Variants in SLC35F1 observed in about 807,000 individuals in gnomAD.
The protein encoded by SLC35F1 is chromosome 6 open reading frame 169.
In SLC35F1, 14 loss-of-function variants were observed where a neutral mutation model predicts 48.7. That is an observed-to-expected ratio of 0.29 (90% confidence interval 0.19 to 0.45). SLC35F1 has a LOEUF of 0.45. SLC35F1 is among the 20% of genes least tolerant of loss of function. The probability of loss-of-function intolerance (pLI) is 1.00; values close to 1 mark genes in which losing one functional copy is unlikely to be tolerated. For missense variants in SLC35F1, 404 were observed against 500.0 expected, an observed-to-expected ratio of 0.81 and a Z score of 1.83; for synonymous variants, 190 against 202.2, an observed-to-expected ratio of 0.94 and a Z score of 0.51.
At chr6:118,210,004 T>C (rs1024841612) in intron 2 of SLC35F1, among the ~76,000 whole-genome samples, 5 of 152,248 alleles carry the variant, frequency 3.3e-5, no homozygotes, top group Non-Finnish European at 5.9e-5. Context: ...TGGCCTGCTA[T>C]ATAAAGTTAT....
intron 7 of SLC35F1, among the ~76,000 whole-genome samples, chr6:118,300,162 C>T (rs1776239787): frequency 1.3e-5 from 2 of 152,126 alleles, no homozygotes; most frequent in African/African-American, 4.8e-5. Flanking sequence ...GAACCTTATA[C>T]AGACCATTTT....
At position 118,205,223 on chromosome 6, in the gene SLC35F1, T is replaced by C. The variant is rs201330339; in HGVS notation, c.350-30286T>C. Among the ~76,000 whole-genome samples, 3 of 152,316 alleles carry C rather than the reference T, an allele frequency of 2.0e-5. No individual in the cohort carries two copies. The East Asian group carries it at 5.8e-4, about 29-fold the overall frequency. On this transcript the variant is annotated intron_variant, in intron 2 of 7. Transcript: ENST00000360388. Reference sequence around the variant, plus strand: ...AGAGTGTTAGCTTATGGGCAGATTCTAGTGGAGGAAGATGTCTGTGCTATT... The same window carrying C: ...AGAGTGTTAGCTTATGGGCAGATTCCAGTGGAGGAAGATGTCTGTGCTATT...
chr6:118,137,527 C>A (rs1398866536), intron 1 of SLC35F1, among the ~76,000 whole-genome samples: 1 of 152,172 alleles, frequency 6.6e-6, no homozygotes, highest in Non-Finnish European at 1.5e-5. Flanking sequence ...TCCTTCCATT[C>A]CCACCCATTA....
chr6:118,219,386 A>G (rs1446246610), intron 2 of SLC35F1, among the ~76,000 whole-genome samples: 2 of 152,230 alleles, frequency 1.3e-5, no homozygotes, highest in African/African-American at 4.8e-5. Flanking sequence ...GAAGAAATAC[A>G]CACATGAAAC....
intron 2 of SLC35F1, among the ~76,000 whole-genome samples, chr6:118,155,627 ATTATGGAATATG>A (rs1285352231): frequency 6.6e-6 from 1 of 152,202 alleles, no homozygotes; most frequent in Non-Finnish European, 1.5e-5. Flanking sequence ...AGTCTCAGGT[ATTATGGAATATG>A]TTATTCATTA....
chr6:118,152,187 G>T (rs563751205), intron 1 of SLC35F1, among the ~76,000 whole-genome samples: 2 of 152,170 alleles, frequency 1.3e-5, no homozygotes, highest in East Asian at 1.9e-4. Context: ...TGGCAAAGGC[G>T]CAATGAACTT....
chr6:118,164,693 T>C (rs919189638), intron 2 of SLC35F1, among the ~76,000 whole-genome samples: 35 of 152,238 alleles, frequency 2.3e-4, no homozygotes, highest in African/African-American at 8.2e-4. Context: ...TATTGATTCT[T>C]CTCAGCAAGT....
chr6:118,275,451 G>C lies in SLC35F1; in HGVS notation c.638-8G>C. 6.2e-7 allele frequency: 1 copy of C among 1,608,062 alleles called. No individual in the cohort carries two copies. The highest frequency in any genetic ancestry group is 8.5e-7 in the Non-Finnish European group (1 of 1,177,638). ...CTCCCTCTGTTTGTTTGTTTGGTTG[G>C]TTCCTAGGGGAAAATAAGCTGGTAG... On this transcript the variant is annotated splice_polypyrimidine_tract_variant and splice_region_variant and intron_variant, in intron 4 of 7. Transcript: ENST00000360388.
At chr6:118,230,117 C>T (rs563793107) in intron 2 of SLC35F1, among the ~76,000 whole-genome samples, 4 of 152,020 alleles carry the variant, frequency 2.6e-5, no homozygotes, top group South Asian at 2.1e-4. Flanking sequence ...CATGGTGGGC[C>T]GATCACAAGG....
intron 1 of SLC35F1, among the ~76,000 whole-genome samples, chr6:118,117,982 T>C (rs1773496496): frequency 6.6e-6 from 1 of 152,224 alleles, no homozygotes; most frequent in Non-Finnish European, 1.5e-5. Flanking sequence ...TAGTCACCTA[T>C]TGAGGAAGAT....
intron 1 of SLC35F1, among the ~76,000 whole-genome samples, chr6:117,949,207 C>CA (rs1167962653): frequency 6.6e-6 from 1 of 152,072 alleles, no homozygotes; most frequent in African/African-American, 2.4e-5. Flanking sequence ...ACCAAGCATC[C>CA]AAAACCTGGA....
chr6:118,202,954 T>C (rs985045504), intron 2 of SLC35F1, among the ~76,000 whole-genome samples: 1 of 152,190 alleles, frequency 6.6e-6, no homozygotes, highest in African/African-American at 2.4e-5. Context: ...GCCCTAAGTG[T>C]TTATTCCTTT....
At chr6:118,230,169 A>G (rs1775269449) in intron 2 of SLC35F1, among the ~76,000 whole-genome samples, 1 of 151,998 alleles carries the variant, frequency 6.6e-6, no homozygotes, top group Non-Finnish European at 1.5e-5. Flanking sequence ...GTGAAACCTC[A>G]TCTCTACTAA....
chr6:118,015,280 C>A (rs919063177), intron 1 of SLC35F1, among the ~76,000 whole-genome samples: 4 of 152,006 alleles, frequency 2.6e-5, no homozygotes, highest in African/African-American at 9.7e-5. Flanking sequence ...GGTTGATCCT[C>A]CGGAGAGATT....
rs1283037704 is a variant in SLC35F1 at position 117,994,870 on chromosome 6, T to C, written c.173+86971T>C. ...CTGTGTCCAAAATTTACATGCCTAT[T>C]TTTTTCAATTTTCAAGCAAACCAAT... On this transcript the variant is annotated intron_variant, in intron 1 of 7. Transcript: ENST00000360388. Among the ~76,000 whole-genome samples the C allele has an allele frequency of 2.0e-5, 3 of 152,332 alleles. No individual in the cohort carries two copies. The East Asian group carries it at 5.8e-4, about 29-fold the overall frequency.
At chr6:118,296,920 C>T (rs771126100) in intron 7 of SLC35F1, among the ~76,000 whole-genome samples, 9 of 151,394 alleles carry the variant, frequency 5.9e-5, no homozygotes, top group African/African-American at 9.7e-5. Flanking sequence ...TGTGTGGATC[C>T]GTCTTCCATG....
At chr6:118,045,896 G>A (rs1332612222) in intron 1 of SLC35F1, among the ~76,000 whole-genome samples, 1 of 152,124 alleles carries the variant, frequency 6.6e-6, no homozygotes, top group Non-Finnish European at 1.5e-5. Context: ...TGTTTTTCCA[G>A]ATACTGCTAA....
At chr6:117,923,646 C>CACATATACATATACATATATACAT (rs1775943912) in intron 1 of SLC35F1, among the ~76,000 whole-genome samples, 1 of 102,012 alleles carries the variant, frequency 9.8e-6, no homozygotes. Context: ...TACATATGTA[C>CACATATACATATACATATATACAT]ATATGTACAT....
At position 117,977,489 on chromosome 6, in the gene SLC35F1, A is replaced by T. The variant is rs528079383; in HGVS notation, c.173+69590A>T. On this transcript the variant is annotated intron_variant, in intron 1 of 7. Coordinates refer to ENST00000360388, the MANE Select transcript of SLC35F1 (RefSeq NM_001029858.4). ...AATGTTAGCTAAGTATTGATATAAT[A>T]AGGATTTTTTTGATTCCTAGGGAAG... 2.1e-3 allele frequency among the ~76,000 whole-genome samples: 316 copies of T among 152,254 alleles called. 1 individual carries two copies. The highest frequency in any genetic ancestry group is 0.01 in the Middle Eastern group (3 of 292).
Sources: gnomAD v4.1 joint callset for allele counts (sites outside exome capture counted in the v4.1 genomes callset) on GRCh38, gnomAD v4.1.1 for gene constraint, MANE v1.5 for transcripts, NCBI Gene and HGNC (gene_info 2026-07-23, HGNC 2026-07-21) for gene names.